The following CEP55 variants were observed in gnomAD, a reference collection of about 807,000 sequenced individuals.
CEP55 encodes the protein centrosomal protein of 55 kDa.
In CEP55, 57 loss-of-function variants were observed where a neutral mutation model predicts 63.2. That is an observed-to-expected ratio of 0.90 (90% CI 0.73 to 1.13). The LOEUF is 1.13. Among genes scored for constraint, CEP55 ranks in the 50% most tolerant of loss-of-function variants. The pLI is 0.00. For synonymous variants in CEP55, 178 were observed against 191.6 expected, an observed-to-expected ratio of 0.93 and a Z score of 0.59; for missense variants, 456 against 518.9, an observed-to-expected ratio of 0.88 and a Z score of 1.18.
chr10:93,518,831 G>A (rs376038589), intron 6 of CEP55, 46 bp from the exon 7 acceptor site: 49 of 1,404,242 alleles, frequency 3.5e-5, no homozygotes, highest in African/African-American at 1.3e-4. Context: ...AGGTCAAGCC[G>A]GAAAAGGTTG....
intron 8 of CEP55, among the ~76,000 whole-genome samples, chr10:93,520,446 A>G (rs2057849260): frequency 2.0e-5 from 3 of 151,922 alleles, no homozygotes; most frequent in Admixed American, 6.6e-5. Context: ...AAAAAAAGAA[A>G]AAGAAAAAAA....
chr10:93,527,083 T>TA (rs67405914), intron 8 of CEP55, among the ~76,000 whole-genome samples: 2,823 of 150,654 alleles, frequency 0.019, 48 homozygotes, highest in Non-Finnish European at 0.029. Context: ...AAAGTATAAT[T>TA]AAAAAAAAAA....
At chr10:93,515,576 G>A in intron 5 of CEP55, 21 bp downstream of exon 5, 2 of 1,569,264 alleles carry the variant, frequency 1.3e-6, no homozygotes, top group Non-Finnish European at 8.7e-7. Flanking sequence ...GTATAAAAAT[G>A]TTCTCTAGGG....
At chr10:93,521,920 A>G (rs574797140) in intron 8 of CEP55, among the ~76,000 whole-genome samples, 1 of 152,346 alleles carries the variant, frequency 6.6e-6, no homozygotes, top group Non-Finnish European at 1.5e-5. Flanking sequence ...AACAGAAAGG[A>G]CATCCACACC....
chr10:93,499,939 A>T, intron 1 of CEP55, 101 bp from the exon 2 acceptor site: 1 of 774,340 alleles, frequency 1.3e-6, no homozygotes, highest in Non-Finnish European at 2.1e-6. Flanking sequence ...TGGTTTGGAT[A>T]TATCATTTCT....
At chr10:93,501,510 G>A (rs1433582032) in intron 2 of CEP55, among the ~76,000 whole-genome samples, 1 of 151,904 alleles carries the variant, frequency 6.6e-6, no homozygotes, top group African/African-American at 2.4e-5. Flanking sequence ...CCAATATGGC[G>A]AAACAAAAAT....
intron 8 of CEP55, among the ~76,000 whole-genome samples, chr10:93,521,783 T>G (rs1378258091): frequency 3.3e-5 from 5 of 152,186 alleles, no homozygotes; most frequent in Non-Finnish European, 7.3e-5. Flanking sequence ...CATTTGCTGT[T>G]CACCAATATT....
intron 8 of CEP55, among the ~76,000 whole-genome samples, chr10:93,521,741 A>G (rs2057865771): frequency 6.6e-6 from 1 of 152,186 alleles, no homozygotes; most frequent in African/African-American, 2.4e-5. Flanking sequence ...CCCCTCTGAG[A>G]CAAAACTTCC....
intron 3 of CEP55, among the ~76,000 whole-genome samples, chr10:93,505,550 G>T (rs2057679861): frequency 6.6e-6 from 1 of 152,206 alleles, no homozygotes; most frequent in Non-Finnish European, 1.5e-5. Context: ...GGGATTTAGA[G>T]AACTATCTTT....
chr10:93,529,044 C>A lies in CEP55; in HGVS notation c.*891C>A, dbSNP rs2057953500. ...TCTTCAGGTTTTCTAACATGCTTAC[C>A]ACTGGGCTACTGTAAATGAGAAAAG... On this transcript the variant is annotated 3_prime_UTR_variant, in exon 9 of 9. Coordinates refer to ENST00000371485, the MANE Select transcript of CEP55 (RefSeq NM_018131.5). 6.6e-6 allele frequency: 1 copy of A among 151,978 alleles called. No individual in the cohort carries two copies. The highest frequency in any genetic ancestry group is 2.4e-5 in the African/African-American group (1 of 41,368). 9.4% of individuals were successfully genotyped at this position (151,978 alleles called of 1,614,324 possible).
chr10:93,503,394 A>T lies in CEP55; in HGVS notation c.459+6A>T, dbSNP rs964870877. 4 of 1,598,370 alleles carry T rather than the reference A, an allele frequency of 2.5e-6. No homozygotes were observed. In the Admixed American group the frequency reaches 5.2e-5, roughly 21 times the overall value. Reference sequence around the variant, plus strand: ...ATACACTCCGTTTATCACAGGTGCTAATCATTTCTTTAAACCCAGATTTTT... The same window carrying T: ...ATACACTCCGTTTATCACAGGTGCTTATCATTTCTTTAAACCCAGATTTTT... On this transcript the variant is annotated splice_donor_region_variant and intron_variant, in intron 3 of 8. Coordinates refer to ENST00000371485, the MANE Select transcript of CEP55 (RefSeq NM_018131.5).
chr10:93,521,910 AACAGAAAGG>A (rs2057868044), intron 8 of CEP55, among the ~76,000 whole-genome samples: 1 of 152,226 alleles, frequency 6.6e-6, no homozygotes, highest in Non-Finnish European at 1.5e-5. Flanking sequence ...AAAACTAACA[AACAGAAAGG>A]ACATCCACAC....
chr10:93,515,063 G>A (rs1259806517), intron 4 of CEP55, among the ~76,000 whole-genome samples: 3 of 152,158 alleles, frequency 2.0e-5, no homozygotes, highest in South Asian at 2.1e-4. Flanking sequence ...GAGAGCCACC[G>A]CACCCAGCCA....
At chr10:93,499,172 G>A (rs1367610400) in intron 1 of CEP55, among the ~76,000 whole-genome samples, 1 of 152,062 alleles carries the variant, frequency 6.6e-6, no homozygotes, top group African/African-American at 2.4e-5. Flanking sequence ...TCCCCTGAAT[G>A]TTATACCTCT....
chr10:93,508,914 T>C (rs1300183399), intron 4 of CEP55, among the ~76,000 whole-genome samples: 1 of 152,212 alleles, frequency 6.6e-6, no homozygotes, highest in Non-Finnish European at 1.5e-5. Flanking sequence ...TCTTGTTTAA[T>C]GTTCAACCTT....
chr10:93,506,961 T>C (rs2057695382), intron 3 of CEP55, 27 bp from the exon 4 acceptor site: 5 of 1,395,836 alleles, frequency 3.6e-6, no homozygotes, highest in Non-Finnish European at 4.1e-6. Context: ...GAATGTCTGA[T>C]GTTAACTAAT....
chr10:93,510,902 A>G (rs2057740422), intron 4 of CEP55, among the ~76,000 whole-genome samples: 1 of 151,052 alleles, frequency 6.6e-6, no homozygotes, highest in Non-Finnish European at 1.5e-5. Context: ...ATTCTTGTCA[A>G]ACCTGGGCGA....
At chr10:93,521,957 T>A (rs1445507560) in intron 8 of CEP55, among the ~76,000 whole-genome samples, 1 of 152,016 alleles carries the variant, frequency 6.6e-6, no homozygotes, top group Non-Finnish European at 1.5e-5. Context: ...GTCACCATCA[T>A]CAAAGACCAA....
intron 4 of CEP55, among the ~76,000 whole-genome samples, chr10:93,511,079 C>T (rs1047624534): frequency 2.8e-4 from 43 of 151,902 alleles, no homozygotes; most frequent in African/African-American, 9.9e-4. Flanking sequence ...GCTGGGATTA[C>T]AGGCACCTGC....
Sources: allele counts gnomAD v4.1 joint callset (sites outside exome capture counted in the v4.1 genomes callset), GRCh38; gene constraint gnomAD v4.1.1; transcripts MANE v1.5; gene names NCBI Gene and HGNC (gene_info 2026-07-23, HGNC 2026-07-21).